TBC1D16: variants seen among roughly 807,000 people sequenced by gnomAD.
TBC1D16 encodes the protein TBC1 domain family member 16, also known as CTD-2529O21.1.
In TBC1D16, 58 loss-of-function variants were observed where a neutral mutation model predicts 74.7. That is an observed-to-expected ratio of 0.78 (90% CI 0.63 to 0.97). The LOEUF is 0.97. TBC1D16 is among the 50% of genes least tolerant of loss of function. The pLI, the probability that TBC1D16 is intolerant of heterozygous loss-of-function variation, is 0.00. For synonymous variants in TBC1D16, 493 were observed against 474.7 expected (o/e 1.04, Z -0.50); for missense variants, 1,014 against 1,079.5 (o/e 0.94, Z 0.85).
intron 1 of TBC1D16, chr17:80,026,127 AAAAAG>A (rs2036575860): frequency 6.7e-6 from 1 of 150,282 alleles, no homozygotes; most frequent in African/African-American, 2.5e-5. Context: ...ATTTAATACT[AAAAAG>A]AAAGGGGCGG....
chr17:80,025,128 C>CACAAACACACAA (rs1291091484), intron 1 of TBC1D16, among the ~76,000 whole-genome samples: 1 of 76,222 alleles, frequency 1.3e-5, no homozygotes, highest in African/African-American at 6.8e-5. Context: ...CAGACACACA[C>CACAAACACACAA]ACACCATAGG....
chr17:80,013,488 G>A lies in TBC1D16; in HGVS notation c.60C>T (p.Leu20=), dbSNP rs779639892. 2.5e-6 allele frequency: 4 copies of A among 1,585,456 alleles called. No individual in the cohort carries two copies. Among genetic ancestry groups the A allele is most frequent in the Non-Finnish European group, 3.4e-6 (4 of 1,166,846 alleles). Reference sequence around the variant, plus strand: ...ACCCGCTGCCGCTGCCACCGGGGGTGAGGGTCAGGAGGTCCGAGGCTTTGG... The same window carrying A: ...ACCCGCTGCCGCTGCCACCGGGGGTAAGGGTCAGGAGGTCCGAGGCTTTGG... ...ASSKASDLLT[L]TPGGSGSGSP... is the part of the protein sequence containing the mutation. The change falls in exon 2 of 12, where the codon CTC becomes CTT. Residue 20 remains leucine, a synonymous_variant. Coordinates refer to ENST00000310924, the MANE Select transcript of TBC1D16 (RefSeq NM_019020.4).
intron 1 of TBC1D16, among the ~76,000 whole-genome samples, chr17:80,015,536 C>T (rs1008433945): frequency 5.3e-5 from 8 of 152,188 alleles, no homozygotes; most frequent in Admixed American, 1.3e-4. Context: ...AGCTGGGCTG[C>T]GTGCAGGCCG....
At chr17:79,962,624 C>A (rs187444894) in intron 3 of TBC1D16, among the ~76,000 whole-genome samples, 35 of 152,222 alleles carry the variant, frequency 2.3e-4, no homozygotes, top group Non-Finnish European at 1.5e-5. Context: ...AAAACAAAAG[C>A]TCTATACCTA....
At position 79,936,939 on chromosome 17, in the gene TBC1D16, TGC is replaced by T. The variant is rs869235595; in HGVS notation, c.*3918_*3919del. The T allele has an allele frequency of 3.0e-3, 441 of 148,940 alleles. 3 individuals carry two copies. Among genetic ancestry groups the T allele is most frequent in the East Asian group, 7.3e-3 (36 of 4,952 alleles). The allele number at this position is 148,940 out of a possible 1,614,324, so 9.2% of individuals were successfully genotyped here. A position where few individuals can be genotyped will look rare whatever the true frequency, so the allele number is the denominator to read the frequency against. On this transcript the variant is annotated 3_prime_UTR_variant, in exon 12 of 12. Transcript: ENST00000310924. ...GTGTGTGTGTGTGTGTGTGTGTGTG[TGC>T]GCATTTTCCCAGGGGACCTCTCCTC...
chr17:80,033,262 C>T (rs758688242), intron 1 of TBC1D16, among the ~76,000 whole-genome samples: 21 of 152,170 alleles, frequency 1.4e-4, no homozygotes, highest in Non-Finnish European at 2.8e-4. Context: ...AATCCTTGCA[C>T]AAAGTCTCTG....
chr17:79,936,789 C>T lies in TBC1D16; in HGVS notation c.*4070G>A, dbSNP rs2031620373. On this transcript the variant is annotated 3_prime_UTR_variant, in exon 12 of 12. Coordinates refer to ENST00000310924, the MANE Select transcript of TBC1D16 (RefSeq NM_019020.4). ...GACGAAGTGGATCCTGAGGCTCATT[C>T]CCTGGGGACTCCAAGAATGGGGCAG... 6.6e-6 allele frequency: 1 copy of T among 152,336 alleles called. No individual in the cohort carries two copies. Among genetic ancestry groups the T allele is most frequent in the South Asian group, 2.1e-4 (1 of 4,834 alleles). The allele number at this position is 152,336 out of a possible 1,614,324, so 9.4% of individuals were successfully genotyped here.
At chr17:79,959,725 C>G (rs892871948) in intron 3 of TBC1D16, among the ~76,000 whole-genome samples, 1 of 152,182 alleles carries the variant, frequency 6.6e-6, no homozygotes, top group African/African-American at 2.4e-5. Context: ...CAAAACGGAT[C>G]ACGGACCTAG....
chr17:79,967,808 G>A (rs1282677318), intron 3 of TBC1D16, among the ~76,000 whole-genome samples: 3 of 152,040 alleles, frequency 2.0e-5, no homozygotes, highest in Non-Finnish European at 2.9e-5. Context: ...GAAAAATTAG[G>A]ACTCACACTT....
At chr17:79,970,598 G>T (rs62076650) in intron 3 of TBC1D16, among the ~76,000 whole-genome samples, 2 of 152,174 alleles carry the variant, frequency 1.3e-5, no homozygotes, top group African/African-American at 4.8e-5. Flanking sequence ...GTTGCCACCT[G>T]TGTAGAGCTT....
At chr17:80,034,259 T>C (rs1381298681) in intron 1 of TBC1D16, among the ~76,000 whole-genome samples, 1 of 145,850 alleles carries the variant, frequency 6.9e-6, no homozygotes, top group Non-Finnish European at 1.5e-5. Context: ...TGGGGTGCAG[T>C]TGCACATCTT....
chr17:79,944,111 C>A lies in TBC1D16; in HGVS notation c.1908+797G>T, dbSNP rs8071927. On this transcript the variant is annotated intron_variant, in intron 10 of 11. Coordinates refer to ENST00000310924, the MANE Select transcript of TBC1D16 (RefSeq NM_019020.4). The surrounding 1 kb of genome is among the most constrained non-coding windows in gnomAD (Gnocchi z 7.7). ...GCTTTCATCAGACATCAGCCCCCTG[C>A]GGTGTGAGTGAGGACAGGAGACGCT... 6.5e-7 allele frequency: 1 copy of A among 1,535,942 alleles called. No individual in the cohort carries two copies. Among genetic ancestry groups the A allele is most frequent in the Non-Finnish European group, 8.7e-7 (1 of 1,146,824 alleles).
chr17:80,021,910 C>CATACACACACACA (rs1188789252), intron 1 of TBC1D16, among the ~76,000 whole-genome samples: 1 of 68,030 alleles, frequency 1.5e-5, no homozygotes. Context: ...TGACACACAC[C>CATACACACACACA]ATGACACACA....
At chr17:79,972,105 G>A (rs1040296948) in intron 3 of TBC1D16, among the ~76,000 whole-genome samples, 1 of 152,222 alleles carries the variant, frequency 6.6e-6, no homozygotes, top group African/African-American at 2.4e-5. Context: ...CCATCGATGG[G>A]TGAATGGAGA....
chr17:79,953,827 A>G (rs1020073607), intron 3 of TBC1D16, among the ~76,000 whole-genome samples: 1 of 149,770 alleles, frequency 6.7e-6, no homozygotes, highest in Non-Finnish European at 1.5e-5. Context: ...GCTGGAGTGC[A>G]GTGTGCGATC....
At chr17:80,027,100 T>C (rs1425954039) in intron 1 of TBC1D16, among the ~76,000 whole-genome samples, 4 of 152,194 alleles carry the variant, frequency 2.6e-5, no homozygotes, top group African/African-American at 9.7e-5. Flanking sequence ...CAATGCAAGA[T>C]GCTCAAAGCA....
chr17:79,967,959 G>A (rs922024770), intron 3 of TBC1D16, among the ~76,000 whole-genome samples: 2 of 152,162 alleles, frequency 1.3e-5, no homozygotes, highest in Non-Finnish European at 2.9e-5. Context: ...TTTCCAACAA[G>A]CTTGGTAAAA....
intron 3 of TBC1D16, among the ~76,000 whole-genome samples, chr17:79,978,173 G>A (rs1459674957): frequency 1.3e-5 from 2 of 152,206 alleles, no homozygotes; most frequent in African/African-American, 4.8e-5. Context: ...GGGACTGGGA[G>A]CAGCAAGGCC....
At position 79,939,178 on chromosome 17, in the gene TBC1D16, G is replaced by C. The variant is rs953273339; in HGVS notation, c.*1681C>G. On this transcript the variant is annotated 3_prime_UTR_variant, in exon 12 of 12. Transcript: ENST00000310924. The stretch of plus-strand genomic sequence containing the variant: ...CTCTTCCCAGAAGCAACATGGATGA[G>C]AAGCCCACCCCATTCCCACCACAGG... 16 of 152,344 alleles carry C rather than the reference G, an allele frequency of 1.1e-4. No individual in the cohort carries two copies. The highest frequency in any genetic ancestry group is 2.9e-4 in the African/African-American group (12 of 41,454). 9.4% of individuals were successfully genotyped at this position (152,344 alleles called of 1,614,324 possible). A position where few individuals can be genotyped will look rare whatever the true frequency, so the allele number is the denominator to read the frequency against.
Sources: allele counts gnomAD v4.1 joint callset (sites outside exome capture counted in the v4.1 genomes callset), GRCh38; gene constraint gnomAD v4.1.1; non-coding constraint Gnocchi (gnomAD v3.1); transcripts MANE v1.5; gene names NCBI Gene and HGNC (gene_info 2026-07-23, HGNC 2026-07-21).